The following WDPCP variants were observed in gnomAD, a reference collection of about 807,000 sequenced individuals.
WDPCP encodes WD repeat-containing and planar cell polarity effector protein fritz homolog.
Under a neutral mutation model 93.1 loss-of-function variants are expected in WDPCP, and 71 were observed. The observed-to-expected ratio is 0.76, with a 90% CI of 0.63 to 0.93. The LOEUF is 0.93. WDPCP is among the 40% of genes least tolerant of loss of function. The pLI is 0.00. For synonymous variants in WDPCP, 315 were observed against 315.0 expected (o/e 1.00, Z 0.00); for missense variants, 844 against 887.4 (o/e 0.95, Z 0.62).
chr2:63,728,898 A>G (rs1669523881), intron 2 of WDPCP, among the ~76,000 whole-genome samples: 1 of 152,216 alleles, frequency 6.6e-6, no homozygotes, highest in Non-Finnish European at 1.5e-5. Flanking sequence ...TATTCATCCA[A>G]TCGCTATTTA....
chr2:63,124,759 GT>G (rs948360991), intron 17 of WDPCP, among the ~76,000 whole-genome samples: 4 of 152,042 alleles, frequency 2.6e-5, no homozygotes, highest in African/African-American at 9.7e-5. Flanking sequence ...ATCTGAAATT[GT>G]TTTATTTTAT....
chr2:63,326,540 T>G (rs1687558245), intron 12 of WDPCP, among the ~76,000 whole-genome samples: 4 of 138,496 alleles, frequency 2.9e-5, no homozygotes, highest in East Asian at 2.2e-4. Flanking sequence ...CAGAGAGGGG[T>G]AGGGAGAGAC....
chr2:63,588,749 T>A (rs1709064151), upstream of WDPCP: 1 of 498,738 alleles, frequency 2.0e-6, no homozygotes, highest in East Asian at 3.7e-5. Context: ...CGTCCTCCAA[T>A]CACAGGGGCT....
At chr2:63,424,288 T>C (rs909491420) in intron 9 of WDPCP, among the ~76,000 whole-genome samples, 5 of 151,588 alleles carry the variant, frequency 3.3e-5, no homozygotes, top group Non-Finnish European at 7.4e-5. Flanking sequence ...GCGTCAGCCC[T>C]TGTAAGTGGG....
chr2:63,701,090 T>C (rs542537491), intron 2 of WDPCP, among the ~76,000 whole-genome samples: 30 of 152,098 alleles, frequency 2.0e-4, no homozygotes, highest in Non-Finnish European at 3.8e-4. Flanking sequence ...AAGAAAATAT[T>C]TGCAAACTGC....
intron 6 of WDPCP, among the ~76,000 whole-genome samples, chr2:63,476,778 TTGAG>T (rs1700000034): frequency 6.6e-6 from 1 of 152,140 alleles, no homozygotes; most frequent in African/African-American, 2.4e-5. Flanking sequence ...GAAAAGCAAA[TTGAG>T]TTTCGCACAA....
At chr2:63,563,932 G>C (rs895122558) in intron 1 of WDPCP, among the ~76,000 whole-genome samples, 2 of 152,172 alleles carry the variant, frequency 1.3e-5, no homozygotes, top group African/African-American at 4.8e-5. Context: ...GGCTAAGACA[G>C]TGGCGATGGT....
At chr2:63,411,913 G>A (rs1695050102) in intron 9 of WDPCP, among the ~76,000 whole-genome samples, 1 of 152,070 alleles carries the variant, frequency 6.6e-6, no homozygotes, top group Non-Finnish European at 1.5e-5. Flanking sequence ...AAAATGTCCA[G>A]GATCAGACGG....
intron 3 of WDPCP, among the ~76,000 whole-genome samples, chr2:63,645,545 T>A (rs544283213): frequency 1.0e-3 from 155 of 152,308 alleles, no homozygotes; most frequent in African/African-American, 3.7e-3. Context: ...AGATTAAGTC[T>A]GGTGTAATTT....
intron 9 of WDPCP, among the ~76,000 whole-genome samples, chr2:63,417,908 G>A (rs569333066): frequency 1.3e-5 from 2 of 151,848 alleles, no homozygotes; most frequent in South Asian, 4.2e-4. Flanking sequence ...GATAAAATAT[G>A]GCAATCAATA....
chr2:63,485,258 G>A (rs1403567683), intron 4 of WDPCP, among the ~76,000 whole-genome samples: 1 of 151,336 alleles, frequency 6.6e-6, no homozygotes, highest in East Asian at 1.9e-4. Context: ...TGTGAATCTA[G>A]TAATTCATGG....
At chr2:63,648,321 G>A (rs929088102) in intron 3 of WDPCP, among the ~76,000 whole-genome samples, 3 of 152,112 alleles carry the variant, frequency 2.0e-5, no homozygotes, top group African/African-American at 7.2e-5. Context: ...ACTTTCATGT[G>A]CTAAAATGAA....
intron 3 of WDPCP, chr2:63,642,455 T>C (rs1709992086): frequency 1.2e-5 from 1 of 85,924 alleles, no homozygotes; most frequent in Non-Finnish European, 2.1e-5. Flanking sequence ...ATGAAGTATC[T>C]TTTCTTTCTT....
intron 3 of WDPCP, chr2:63,622,543 T>C: frequency 4.3e-6 from 7 of 1,613,834 alleles, no homozygotes; most frequent in Non-Finnish European, 4.2e-6. Context: ...ATGTTCCAGG[T>C]GAAGGTAGTC....
chr2:63,568,758 T>C (rs6754730), intron 1 of WDPCP, among the ~76,000 whole-genome samples: 122,312 of 152,242 alleles, frequency 0.8, 49,802 homozygotes, highest in East Asian at 0.98. Context: ...ACTTGTGGAA[T>C]GCTAAGAAAG....
intron 2 of WDPCP, among the ~76,000 whole-genome samples, chr2:63,675,992 G>T (rs1355344228): frequency 6.6e-6 from 1 of 151,958 alleles, no homozygotes; most frequent in Admixed American, 6.6e-5. Context: ...TTTCCCTTTG[G>T]TCTATATATT....
At chr2:63,647,548 A>G (rs889876753) in intron 3 of WDPCP, among the ~76,000 whole-genome samples, 2 of 152,216 alleles carry the variant, frequency 1.3e-5, no homozygotes, top group Non-Finnish European at 2.9e-5. Context: ...GTATGATTCC[A>G]TTTATATAAC....
At chr2:63,329,839 C>A (rs80259172) in intron 12 of WDPCP, among the ~76,000 whole-genome samples, 5,807 of 152,222 alleles carry the variant, frequency 0.038, 179 homozygotes, top group Non-Finnish European at 0.054. Flanking sequence ...TAAGTGAGAT[C>A]ATGGAGTCTT....
the WDPCP span, among the ~76,000 whole-genome samples, chr2:63,836,157 G>T: frequency 1.3e-5 from 2 of 152,164 alleles, no homozygotes; most frequent in Admixed American, 6.6e-5. Flanking sequence ...ACCCAGCTGA[G>T]AATCTTCTCT....
Sources: allele counts gnomAD v4.1 joint callset (sites outside exome capture counted in the v4.1 genomes callset), GRCh38; gene constraint gnomAD v4.1.1; transcripts MANE v1.5; gene names NCBI Gene and HGNC (gene_info 2026-07-23, HGNC 2026-07-21).